The following ACACB variants were observed in gnomAD, a reference collection of about 807,000 sequenced individuals.
ACACB encodes the protein acetyl-CoA carboxylase 2.
ACACB carries 209 observed loss-of-function variants against 278.8 expected under a neutral mutation model. The ratio of observed to expected loss-of-function variants is 0.75; its 90% CI spans 0.67 to 0.84. The LOEUF (loss-of-function observed/expected upper bound fraction) is 0.84, where lower values mean the gene tolerates loss of function less well. Among genes scored for constraint, ACACB ranks in the 40% least tolerant of loss-of-function variants. The pLI, the probability that ACACB is intolerant of heterozygous loss-of-function variation, is 0.00. For missense variants in ACACB, 2,850 were observed against 3,269.0 expected (o/e 0.87, Z 3.13); for synonymous variants, 1,174 against 1,285.6 (o/e 0.91, Z 1.86).
intron 43 of ACACB, among the ~76,000 whole-genome samples, chr12:109,253,530 G>A (rs2047150539): frequency 6.6e-6 from 1 of 152,136 alleles, no homozygotes. Flanking sequence ...GAGTCCCTAA[G>A]TTTTTCTGAG....
At chr12:109,118,770 CAAAGTAGAGTTCA>C (rs2042468421) in intron 1 of ACACB, among the ~76,000 whole-genome samples, 1 of 152,112 alleles carries the variant, frequency 6.6e-6, no homozygotes, top group Non-Finnish European at 1.5e-5. Flanking sequence ...CTTGTTACTT[CAAAGTAGAGTTCA>C]CCTGTACCCA....
chr12:109,165,779 G>A (rs1308496760), intron 2 of ACACB, among the ~76,000 whole-genome samples: 4 of 152,148 alleles, frequency 2.6e-5, no homozygotes, highest in Non-Finnish European at 1.5e-5. Flanking sequence ...GGGTGGCCTT[G>A]TGAGATAACT....
Position 109,201,653 on chromosome 12 carries a change from C to T in ACACB, c.2865C>T (p.Gly955=), listed in dbSNP as rs1593541808. 1.2e-6 allele frequency: 2 copies of T among 1,614,192 alleles called. No individual in the cohort carries two copies. The highest frequency in any genetic ancestry group is 4.5e-5 in the East Asian group (2 of 44,876). ...IKRPGAVLEA[G]CVVARLELDD... ...GTCCAGGTGCCGTGCTGGAAGCAGG[C>T]TGCGTGGTGGCCAGGCTGGAGCTCG... The change falls in exon 19 of 53, where the codon GGC becomes GGT. Residue 955 remains glycine, a synonymous_variant. Coordinates refer to ENST00000338432, the MANE Select transcript of ACACB (RefSeq NM_001093.4).
intron 28 of ACACB, among the ~76,000 whole-genome samples, chr12:109,229,034 C>T (rs908465992): frequency 6.6e-6 from 1 of 152,044 alleles, no homozygotes; most frequent in Non-Finnish European, 1.5e-5. Context: ...ATCTCAGCTC[C>T]CAGATTCAAG....
chr12:109,238,501 TATA>T (rs539992438), intron 34 of ACACB, among the ~76,000 whole-genome samples: 3,833 of 144,430 alleles, frequency 0.027, 84 homozygotes, highest in Non-Finnish European at 0.042. Flanking sequence ...ATATACATAA[TATA>T]ATACATATTA....
chr12:109,179,027 T>A (rs1183026492), intron 9 of ACACB, 61 bp from the exon 10 acceptor site: 1 of 1,519,048 alleles, frequency 6.6e-7, no homozygotes, highest in Non-Finnish European at 9.0e-7. Flanking sequence ...CCTGAGAACT[T>A]CCAGAAGCTT....
rs148565998 is a variant in ACACB, at chr12:109,130,870, G to A, written c.-9-8527G>A. The stretch of plus-strand genomic sequence containing the variant: ...GACCTGTGTGTCCAGCTGGCCATTC[G>A]TGCCCAGTATAGCCAAACACAAGTT... On this transcript the variant is annotated intron_variant, in intron 1 of 52. Transcript: ENST00000338432. Among the ~76,000 whole-genome samples, 184 of 152,222 alleles carry A rather than the reference G, an allele frequency of 1.2e-3. 1 individual carries two copies. The highest frequency in any genetic ancestry group is 4.2e-3 in the African/African-American group (173 of 41,532).
chr12:109,170,898 A>T (rs2044090555), intron 4 of ACACB, among the ~76,000 whole-genome samples: 1 of 151,584 alleles, frequency 6.6e-6, no homozygotes, highest in African/African-American at 2.4e-5. Context: ...GCGCAGTGAC[A>T]TGATCACGAC....
intron 24 of ACACB, among the ~76,000 whole-genome samples, chr12:109,217,556 T>C (rs2046039708): frequency 6.6e-6 from 1 of 152,044 alleles, no homozygotes; most frequent in South Asian, 2.1e-4. Flanking sequence ...CCCAGCACTT[T>C]GGGTGGCTGA....
At chr12:109,260,363 G>C in intron 47 of ACACB, 117 bp from the exon 48 acceptor site, 1 of 1,327,472 alleles carries the variant, frequency 7.5e-7, no homozygotes, top group Non-Finnish European at 1.1e-6. Flanking sequence ...CCAGCCCAGT[G>C]CTCTCCAAGC....
intron 16 of ACACB, among the ~76,000 whole-genome samples, chr12:109,194,847 T>C (rs2045058166): frequency 6.6e-6 from 1 of 152,170 alleles, no homozygotes; most frequent in Non-Finnish European, 1.5e-5. Flanking sequence ...CCCTATAGAA[T>C]GTGAGCTGGG....
At chr12:109,130,850 G>A (rs2042806413) in intron 1 of ACACB, among the ~76,000 whole-genome samples, 1 of 152,176 alleles carries the variant, frequency 6.6e-6, no homozygotes, top group African/African-American at 2.4e-5. Flanking sequence ...GGGCTGACCT[G>A]TGTGTCCAGC....
At chr12:109,209,999 G>GTATACACACA (rs2045665420) in intron 21 of ACACB, among the ~76,000 whole-genome samples, 2 of 100,016 alleles carry the variant, frequency 2.0e-5, no homozygotes, top group African/African-American at 5.9e-5. Flanking sequence ...GTATATATGT[G>GTATACACACA]TATATGTGTA....
chr12:109,186,937 A>T (rs981750123), intron 12 of ACACB, among the ~76,000 whole-genome samples: 1 of 152,072 alleles, frequency 6.6e-6, no homozygotes, highest in East Asian at 1.9e-4. Flanking sequence ...AGGAGCCCTA[A>T]TCCCAGTGAG....
rs771676923 is a variant in ACACB at position 109,237,193 on chromosome 12, T to A, written c.4475T>A (p.Leu1492Ter). The A allele has an allele frequency of 9.9e-6, 16 of 1,614,068 alleles. No homozygotes were observed. In the Admixed American group the frequency reaches 1.8e-4, roughly 18 times the overall value. Residue 1492 changes from leucine to a stop codon, truncating the protein, a stop_gained, in exon 34 of 53, where the codon TTG (leucine) becomes TAG (stop). Transcript: ENST00000338432. LOFTEE classifies it high-confidence loss of function. ...EFAEDRIYRH[L>*]EPALAFQLEL... ...GCAGAAGATCGCATTTACCGTCACT[T>A]GGAACCTGCCCTGGCCTTCCAGCTG...
At chr12:109,245,928 A>G (rs767056235) in intron 38 of ACACB, among the ~76,000 whole-genome samples, 180 bp downstream of exon 38, 3 of 152,124 alleles carry the variant, frequency 2.0e-5, no homozygotes, top group Non-Finnish European at 4.4e-5. Flanking sequence ...GTCTCTACAT[A>G]AAATTTTAAA....
At chr12:109,206,444 A>AAAAAAAAAAAAC (rs2045515783) in intron 19 of ACACB, among the ~76,000 whole-genome samples, 1 of 151,080 alleles carries the variant, frequency 6.6e-6, no homozygotes, top group African/African-American at 2.4e-5. Context: ...AAAAAAAAAA[A>AAAAAAAAAAAAC]CAGATCTCAC....
intron 24 of ACACB, among the ~76,000 whole-genome samples, chr12:109,218,749 G>C (rs923265356): frequency 5.4e-5 from 8 of 149,480 alleles, no homozygotes; most frequent in African/African-American, 1.7e-4. Context: ...CGCCTCCCGG[G>C]TTCTATCTAT....
intron 21 of ACACB, among the ~76,000 whole-genome samples, chr12:109,209,910 C>CGTGTGTATATATGTGTAT (rs1293793013): frequency 9.6e-6 from 1 of 104,300 alleles, no homozygotes; most frequent in Non-Finnish European, 2.0e-5. Flanking sequence ...CACATACACA[C>CGTGTGTATATATGTGTAT]ACGTGTGTAT....
Sources: allele counts gnomAD v4.1 joint callset (sites outside exome capture counted in the v4.1 genomes callset), GRCh38; gene constraint gnomAD v4.1.1; transcripts MANE v1.5; gene names NCBI Gene and HGNC (gene_info 2026-07-23, HGNC 2026-07-21).